The following CLEC6A variants were observed in gnomAD, a reference collection of about 807,000 sequenced individuals.
CLEC6A encodes the protein C-type lectin domain containing 6A.
A neutral mutation model predicts 25.7 loss-of-function variants in CLEC6A; 22 were observed. The observed-to-expected ratio is 0.85, with a 90% confidence interval of 0.61 to 1.22. The LOEUF (loss-of-function observed/expected upper bound fraction) is 1.22. Among genes scored for constraint, CLEC6A ranks in the 50% most tolerant of loss-of-function variants. The pLI is 0.00. For missense variants in CLEC6A, 240 were observed against 236.8 expected (o/e 1.01, Z -0.09); for synonymous variants, 92 against 76.7 (o/e 1.20, Z -1.04).
At chr12:8,476,009 G>A in intron 4 of CLEC6A, 116 bp from the exon 5 acceptor site, 2 of 590,754 alleles carry the variant, frequency 3.4e-6, no homozygotes, top group African/African-American at 1.9e-5. Flanking sequence ...TCATGTGACT[G>A]CTCCTTGCAC....
In CLEC6A at chr12:8,457,972, A is replaced by G; in HGVS notation, c.106A>G (p.Ile36Val). 6.2e-7 allele frequency: 1 copy of G among 1,613,216 alleles called. No homozygotes were observed. Among genetic ancestry groups the G allele is most frequent in the Non-Finnish European group, 8.5e-7 (1 of 1,179,206 alleles). ...CATTGCACTCCTCAGTGCTTGCTTC[A>G]TTGTGAGCTGTGTAGGTAAGTTCTT... ...ISIALLSACF[I>V]VSCVVTYHFT... is the part of the protein sequence containing the mutation. The change falls in exon 2 of 6, where the codon ATT becomes GTT. Residue 36 changes from isoleucine to valine, a missense_variant. By Grantham distance (29) the Ile-to-Val change is conservative. Transcript: ENST00000382073.
intron 2 of CLEC6A, among the ~76,000 whole-genome samples, chr12:8,458,612 C>T (rs770436177): frequency 3.7e-4 from 57 of 152,154 alleles, no homozygotes; most frequent in Non-Finnish European, 6.3e-4. Flanking sequence ...GTGAAAGTGA[C>T]TTCCCCTGTC....
chr12:8,476,167 C>A lies in CLEC6A; in HGVS notation c.412C>A (p.Leu138Met). The A allele has an allele frequency of 6.2e-7, 1 of 1,609,464 alleles. No individual in the cohort carries two copies. The highest frequency in any genetic ancestry group is 1.7e-5 in the Admixed American group (1 of 59,520). Reference protein sequence around the residue: ...QQLNESFSYFLGLSDPQGNNN... With the variant: ...QQLNESFSYFMGLSDPQGNNN... ...GCTGAATGAGTCATTTTCTTATTTT[C>A]TGGGGCTTTCAGACCCACAAGGTAA... Residue 138 changes from leucine (L) to methionine (M), a missense_variant, in exon 5 of 6, where the codon CTG (leucine) becomes ATG (methionine). Transcript: ENST00000382073.
At chr12:8,460,492 T>C in intron 3 of CLEC6A, 1 of 607,068 alleles carries the variant, frequency 1.6e-6, no homozygotes, top group South Asian at 2.0e-5. Context: ...TCACAGCACG[T>C]GGGAATTATG....
intron 3 of CLEC6A, among the ~76,000 whole-genome samples, chr12:8,461,973 T>G (rs1458290914): frequency 1.3e-5 from 2 of 152,236 alleles, no homozygotes; most frequent in East Asian, 3.8e-4. Flanking sequence ...ACTGTGTCTG[T>G]GTAGAAAGAA....
chr12:8,465,692 C>T, intron 4 of CLEC6A, 63 bp downstream of exon 4: 2 of 1,443,958 alleles, frequency 1.4e-6, no homozygotes, highest in Non-Finnish European at 1.9e-6. Context: ...AATTTACTGT[C>T]ATAACCATTT....
rs762413239 is a variant in CLEC6A, at chr12:8,462,523, G to A, written c.223+2825G>A. Among the ~76,000 whole-genome samples the A allele has an allele frequency of 4.3e-5, 6 of 140,446 alleles. No homozygotes were observed. In the Admixed American group the frequency reaches 4.4e-4, roughly 10 times the overall value. The allele number at this position is 140,446 out of a possible 152,430, so 92.1% of individuals were successfully genotyped here. On this transcript the variant is annotated intron_variant, in intron 3 of 5. Transcript: ENST00000382073. ...AGGGGAAAACCGCCTTAGGGCTGGA[G>A]GTGGGACATGCGGGCAACAATACTG...
chr12:8,459,461 T>A (rs1159547716), intron 2 of CLEC6A, 136 bp from the exon 3 acceptor site: 1 of 570,606 alleles, frequency 1.8e-6, no homozygotes, highest in African/African-American at 1.8e-5. Flanking sequence ...AAATAATAAT[T>A]TGGCATGGTT....
chr12:8,465,035 A>G (rs1939811861), intron 3 of CLEC6A, among the ~76,000 whole-genome samples: 1 of 152,346 alleles, frequency 6.6e-6, no homozygotes, highest in Admixed American at 6.5e-5. Flanking sequence ...GACATACATG[A>G]TAAATGGAAT....
At position 8,457,876 on chromosome 12, in the gene CLEC6A, T is replaced by C. The variant is rs375125757; in HGVS notation, c.32-22T>C. 4 of 1,599,660 alleles carry C rather than the reference T, an allele frequency of 2.5e-6. No homozygotes were observed. In the African/African-American group the frequency reaches 5.4e-5, roughly 21 times the overall value. On this transcript the variant is annotated intron_variant, in intron 1 of 5. Coordinates refer to ENST00000382073, the MANE Select transcript of CLEC6A (RefSeq NM_001007033.2). Reference sequence around the variant, plus strand: ...TCCCTGGCCCCCTGGTAACTGCATTTGTTGTCTTCCTGATTGGACAGAGAA... The same window carrying C: ...TCCCTGGCCCCCTGGTAACTGCATTCGTTGTCTTCCTGATTGGACAGAGAA...
intron 3 of CLEC6A, among the ~76,000 whole-genome samples, chr12:8,463,503 T>C (rs1327199360): frequency 6.6e-6 from 1 of 152,190 alleles, no homozygotes; most frequent in African/African-American, 2.4e-5. Flanking sequence ...GAAAAAGGCT[T>C]TGTTTGAATG....
At chr12:8,464,412 C>T (rs1004631890) in intron 3 of CLEC6A, among the ~76,000 whole-genome samples, 30 of 151,518 alleles carry the variant, frequency 2.0e-4, no homozygotes, top group African/African-American at 6.6e-4. Context: ...TCACTGTAAG[C>T]TCCGCCTCCT....
At chr12:8,461,197 A>C in intron 3 of CLEC6A, 1 of 980,894 alleles carries the variant, frequency 1.0e-6, no homozygotes, top group Non-Finnish European at 1.6e-6. Context: ...AGATTGGAGA[A>C]TGTGCAATAC....
intron 4 of CLEC6A, among the ~76,000 whole-genome samples, chr12:8,467,956 T>TCC (rs771162728): frequency 6.6e-6 from 1 of 151,162 alleles, no homozygotes; most frequent in African/African-American, 2.4e-5. Context: ...TTTTTTTTTT[T>TCC]CCCCAAGACG....
At chr12:8,460,540 G>C (rs1368683012) in intron 3 of CLEC6A, 1 of 741,820 alleles carries the variant, frequency 1.3e-6, no homozygotes, top group African/African-American at 1.7e-5. Flanking sequence ...TGGAGACAGA[G>C]AACCAAACCA....
intron 5 of CLEC6A, among the ~76,000 whole-genome samples, chr12:8,477,079 C>T (rs888608712): frequency 6.6e-6 from 1 of 152,040 alleles, no homozygotes; most frequent in Non-Finnish European, 1.5e-5. Flanking sequence ...AAGATGATTG[C>T]AGCGGAAAGA....
intron 4 of CLEC6A, among the ~76,000 whole-genome samples, chr12:8,474,988 C>T (rs374610053): frequency 7.6e-4 from 115 of 152,130 alleles, no homozygotes; most frequent in African/African-American, 2.4e-3. Flanking sequence ...CACCCATTAA[C>T]TCATCATTTA....
In CLEC6A at chr12:8,460,950, G is replaced by A. The variant is rs377298399; in HGVS notation, c.223+1252G>A. 9 of 914,370 alleles carry A rather than the reference G, an allele frequency of 9.8e-6. No individual in the cohort carries two copies. In the East Asian group the frequency reaches 2.2e-4, roughly 22 times the overall value. 56.6% of individuals were successfully genotyped at this position (914,370 alleles called of 1,614,324 possible). Reference sequence around the variant, plus strand: ...AGGAGCGAGCTGGATGCCACTGTGGGGCTCTAAGAGTCCCAAATTCTTACT... The same window carrying A: ...AGGAGCGAGCTGGATGCCACTGTGGAGCTCTAAGAGTCCCAAATTCTTACT... On this transcript the variant is annotated intron_variant, in intron 3 of 5. Transcript: ENST00000382073.
At position 8,460,985 on chromosome 12, in the gene CLEC6A, A is replaced by C. The variant is rs1939746618; in HGVS notation, c.223+1287A>C. 2.6e-6 allele frequency: 3 copies of C among 1,148,882 alleles called. No individual in the cohort carries two copies. The South Asian group carries it at 3.7e-5, about 14-fold the overall frequency. 71.2% of individuals were successfully genotyped at this position (1,148,882 alleles called of 1,614,324 possible). On this transcript the variant is annotated intron_variant, in intron 3 of 5. Coordinates refer to ENST00000382073, the MANE Select transcript of CLEC6A (RefSeq NM_001007033.2). ...GTCCCAAATTCTTACTGCGTTGGTG[A>C]AGATTCCACATAAAAATTTTTGGGG... is the stretch of plus-strand genomic sequence containing the variant.
Sources: allele counts gnomAD v4.1 joint callset (sites outside exome capture counted in the v4.1 genomes callset), GRCh38; gene constraint gnomAD v4.1.1; transcripts MANE v1.5; gene names NCBI Gene and HGNC (gene_info 2026-07-23, HGNC 2026-07-21).